ERBB3: variants seen among roughly 807,000 people sequenced by gnomAD.
ERBB3 encodes erb-b2 receptor tyrosine kinase 3.
In ERBB3, 96 loss-of-function variants were observed where a neutral mutation model predicts 156.7. The ratio of observed to expected loss-of-function variants is 0.61; its 90% CI spans 0.52 to 0.73. The LOEUF (loss-of-function observed/expected upper bound fraction) is 0.73, where lower values mean the gene tolerates loss of function less well. Among genes scored for constraint, ERBB3 ranks in the 30% least tolerant of loss-of-function variants. The probability of loss-of-function intolerance (pLI) is 0.00; values close to 1 mark genes in which losing one functional copy is unlikely to be tolerated. For synonymous variants in ERBB3, 567 were observed against 632.0 expected, an observed-to-expected ratio of 0.90 and a Z score of 1.54; for missense variants, 1,406 against 1,709.4, an observed-to-expected ratio of 0.82 and a Z score of 3.13.
At chr12:56,091,283 T>TATATATAATATATATAAATATAA in intron 9 of ERBB3, among the ~76,000 whole-genome samples, 1 of 51,752 alleles carries the variant, frequency 1.9e-5, no homozygotes, top group Non-Finnish European at 4.2e-5. Flanking sequence ...TATATATATA[T>TATATATAATATATATAAATATAA]ATATATATAT....
rs149635848 is a variant in ERBB3, at chr12:56,088,141, G to A, written c.853G>A (p.Val285Ile). 4.3e-5 allele frequency: 69 copies of A among 1,614,200 alleles called. No homozygotes were observed. In the African/African-American group the frequency reaches 8.1e-4, roughly 19 times the overall value. ...CCACACCAAGTATCAGTATGGAGGA[G>A]TTTGTGTAGCCAGCTGTCCCCGTAA... ...NPHTKYQYGG[V>I]CVASCPHNFV... Residue 285 changes from valine (V) to isoleucine (I), a missense_variant, in exon 7 of 28, where the codon GTT becomes ATT. By Grantham distance (29) the Val-to-Ile change is conservative. This residue lies in a region of ERBB3 where 979 missense variants were observed against 1,219.6 expected (regional missense o/e 0.80). Coordinates refer to ENST00000267101, the MANE Select transcript of ERBB3 (RefSeq NM_001982.4).
Position 56,096,798 on chromosome 12 carries a change from A to G in ERBB3, c.2226A>G (p.Lys742=), listed in dbSNP as rs1259368470. The G allele has an allele frequency of 6.2e-7, 1 of 1,614,068 alleles. No individual in the cohort carries two copies. The change falls in exon 19 of 28, where the codon AAA becomes AAG. Residue 742 remains lysine (K), a synonymous_variant. Coordinates refer to ENST00000267101, the MANE Select transcript of ERBB3 (RefSeq NM_001982.4). ...CAATCAAGATTCCAGTCTGCATTAA[A>G]GTCATTGAGGACAAGAGTGGACGGC... ...GESIKIPVCI[K]VIEDKSGRQS... is the part of the protein sequence containing the mutation.
In ERBB3 at chr12:56,089,017, C is replaced by A. The variant is rs915576244; in HGVS notation, c.1109+149C>A. ...ACAAAGGACCTGAAAGAATGCTTAA[C>A]ACATCCTCCATCCAGGCCTTCGGTC... is the stretch of plus-strand genomic sequence containing the variant. On this transcript the variant is annotated intron_variant, in intron 9 of 27. Coordinates refer to ENST00000267101, the MANE Select transcript of ERBB3 (RefSeq NM_001982.4). 4.8e-6 allele frequency: 5 copies of A among 1,033,936 alleles called. No homozygotes were observed. The African/African-American group carries it at 6.3e-5, about 13-fold the overall frequency. The allele number at this position is 1,033,936 out of a possible 1,614,324, so 64.0% of individuals were successfully genotyped here. A position where few individuals can be genotyped will look rare whatever the true frequency, so the allele number is the denominator to read the frequency against.
intron 9 of ERBB3, among the ~76,000 whole-genome samples, chr12:56,091,083 C>G (rs559656662): frequency 1.3e-5 from 2 of 150,496 alleles, no homozygotes; most frequent in Admixed American, 1.3e-4. Context: ...TTTGATGTGT[C>G]CTCATGATTA....
chr12:56,096,750 AGT>A lies in ERBB3; in HGVS notation c.2182_2183del (p.Trp728AspfsTer3). On this transcript the variant is annotated frameshift_variant, in exon 19 of 28. Coordinates refer to ENST00000267101, the MANE Select transcript of ERBB3 (RefSeq NM_001982.4). LOFTEE classifies it high-confidence loss of function. ...AACTCCTGCCCCAAACTTCCCAGGG[AGT>A]GTGGATCCCTGAGGGTGAATCAATC... is the stretch of plus-strand genomic sequence containing the variant. Reference protein sequence around the residue: ...SGVFGTVHKGVWIPEGESIKI... With the variant: ...SGVFGTVHKGXWIPEGESIKI... 1 of 1,613,816 alleles carries A rather than the reference AGT, an allele frequency of 6.2e-7. No individual in the cohort carries two copies. Among genetic ancestry groups the A allele is most frequent in the Non-Finnish European group, 8.5e-7 (1 of 1,179,730 alleles).
intron 17 of ERBB3, 34 bp downstream of exon 17, chr12:56,095,840 C>CTTTTT: frequency 6.2e-7 from 1 of 1,613,090 alleles, no homozygotes; most frequent in Non-Finnish European, 8.5e-7. Flanking sequence ...TTTTTCTTTT[C>CTTTTT]TTTTTTTGCA....
At chr12:56,084,935 G>T (rs1371561989) in intron 2 of ERBB3, 60 bp from the exon 3 acceptor site, 2 of 1,611,690 alleles carry the variant, frequency 1.2e-6, no homozygotes, top group African/African-American at 2.7e-5. Flanking sequence ...AAGGAGGAGA[G>T]GAGATTGAGA....
chr12:56,084,598 C>CAAAAAAAAAAAAA (rs34576601), intron 2 of ERBB3, among the ~76,000 whole-genome samples: 1 of 125,624 alleles, frequency 8.0e-6, no homozygotes, highest in Non-Finnish European at 1.6e-5. Flanking sequence ...CCTGTCTCAC[C>CAAAAAAAAAAAAA]AAAAAAAAAA....
intron 19 of ERBB3, 83 bp from the exon 20 acceptor site, chr12:56,096,961 GT>G: frequency 6.9e-7 from 1 of 1,447,366 alleles, no homozygotes; most frequent in East Asian, 2.3e-5. Context: ...AATGTTGGGG[GT>G]GGGGGGGCCT....
chr12:56,096,568 A>T lies in ERBB3; in HGVS notation c.2121A>T (p.Thr707=). The T allele has an allele frequency of 2.5e-6, 4 of 1,614,218 alleles. No individual in the cohort carries two copies. Among genetic ancestry groups the T allele is most frequent in the Non-Finnish European group, 3.4e-6 (4 of 1,180,030 alleles). Reference sequence around the variant, plus strand: ...TCTTGGCCAGAATCTTCAAAGAGACAGAGCTAAGGAAGCTTAAAGTGCTTG... The same window carrying T: ...TCTTGGCCAGAATCTTCAAAGAGACTGAGCTAAGGAAGCTTAAAGTGCTTG... ...NKVLARIFKE[T]ELRKLKVLGS... is the part of the protein sequence containing the mutation. Residue 707 remains threonine, a synonymous_variant, in exon 18 of 28, where the codon ACA becomes ACT. Coordinates refer to ENST00000267101, the MANE Select transcript of ERBB3 (RefSeq NM_001982.4).
chr12:56,083,232 C>T, intron 1 of ERBB3: 1 of 218,720 alleles, frequency 4.6e-6, no homozygotes, highest in Non-Finnish European at 9.3e-6. Context: ...GTGGGCTGGA[C>T]TGTGGCCCCA....
rs755595923 is a variant in ERBB3, at chr12:56,101,331, G to A, written c.3472G>A (p.Gly1158Ser). Residue 1158 changes from glycine to serine, a missense_variant, in exon 27 of 28, where the codon GGT (glycine) becomes AGT (serine). By Grantham distance (56) the Gly-to-Ser change is moderately conservative (BLOSUM62 0). Coordinates refer to ENST00000267101, the MANE Select transcript of ERBB3 (RefSeq NM_001982.4). ...CGGGTTAGAGGAAGAGGATGTCAACGGTTATGTCATGCCAGATACACACCT... is the reference window on the plus strand; with the variant it reads ...CGGGTTAGAGGAAGAGGATGTCAACAGTTATGTCATGCCAGATACACACCT... ...PPGLEEEDVNGYVMPDTHLKG... is the reference protein window; with the variant it reads ...PPGLEEEDVNSYVMPDTHLKG... 5.0e-6 allele frequency: 8 copies of A among 1,614,080 alleles called. No individual in the cohort carries two copies. Among genetic ancestry groups the A allele is most frequent in the African/African-American group, 1.3e-5 (1 of 74,918 alleles).
At position 56,096,009 on chromosome 12, in the gene ERBB3, A is replaced by G. The variant is rs184532952; in HGVS notation, c.2055+203A>G. ...CCCTAGAAGAACACTGGTCAGAGAAATGGGAGGCATGCATTCTAGTCCTGA... is the reference window on the plus strand; with the variant it reads ...CCCTAGAAGAACACTGGTCAGAGAAGTGGGAGGCATGCATTCTAGTCCTGA... On this transcript the variant is annotated intron_variant, in intron 17 of 27. Transcript: ENST00000267101. 494 of 627,238 alleles carry G rather than the reference A, an allele frequency of 7.9e-4. 2 individuals carry two copies. The highest frequency in any genetic ancestry group is 6.0e-4 in the Non-Finnish European group (214 of 357,534). The allele number at this position is 627,238 out of a possible 1,614,324, so 38.9% of individuals were successfully genotyped here. A position where few individuals can be genotyped will look rare whatever the true frequency, so the allele number is the denominator to read the frequency against.
At chr12:56,095,552 T>C in intron 16 of ERBB3, 113 bp from the exon 17 acceptor site, 1 of 1,282,666 alleles carries the variant, frequency 7.8e-7, no homozygotes, top group Non-Finnish European at 1.1e-6. Context: ...GATATATATG[T>C]GAATGTTAAT....
At chr12:56,095,387 G>A in intron 16 of ERBB3, 77 bp downstream of exon 16, 1 of 1,250,076 alleles carries the variant, frequency 8.0e-7, no homozygotes, top group Non-Finnish European at 1.2e-6. Flanking sequence ...GAGAGAAGAG[G>A]GAGGCTGTCT....
At position 56,098,515 on chromosome 12, in the gene ERBB3, A is replaced by G. The variant is rs867439304; in HGVS notation, c.2632A>G (p.Met878Val). ...TAATCCGCAGACTCCAATTAAGTGGATGGCCCTTGAGAGTATCCACTTTGG... is the reference window on the plus strand; with the variant it reads ...TAATCCGCAGACTCCAATTAAGTGGGTGGCCCTTGAGAGTATCCACTTTGG... ...YSEAKTPIKW[M>V]ALESIHFGKY... is the part of the protein sequence containing the mutation. Residue 878 changes from methionine (M) to valine (V), a missense_variant, in exon 22 of 28, where the codon ATG (methionine) becomes GTG (valine). Coordinates refer to ENST00000267101, the MANE Select transcript of ERBB3 (RefSeq NM_001982.4). 2 of 1,612,538 alleles carry G rather than the reference A, an allele frequency of 1.2e-6. No individual in the cohort carries two copies. The highest frequency in any genetic ancestry group is 1.3e-5 in the African/African-American group (1 of 74,894).
chr12:56,093,232 C>A, intron 11 of ERBB3, 113 bp from the exon 12 acceptor site: 1 of 1,174,878 alleles, frequency 8.5e-7, no homozygotes, highest in Non-Finnish European at 1.3e-6. Context: ...GAGGGGGATT[C>A]CCTCTCAGTG....
chr12:56,099,221 G>A (rs1869002094), intron 23 of ERBB3, among the ~76,000 whole-genome samples: 2 of 151,578 alleles, frequency 1.3e-5, no homozygotes, highest in African/African-American at 4.8e-5. Flanking sequence ...TTCCCAAAGT[G>A]CTGGGATTAC....
chr12:56,099,000 G>C (rs1868994150), intron 23 of ERBB3, 95 bp downstream of exon 23: 12 of 1,199,830 alleles, frequency 1.0e-5, no homozygotes, highest in Non-Finnish European at 1.4e-5. Flanking sequence ...TGTCACCCAG[G>C]CTGGAGTGCA....
Sources: gnomAD v4.1 joint callset for allele counts (sites outside exome capture counted in the v4.1 genomes callset) on GRCh38, gnomAD v4.1.1 for gene constraint, gnomAD v4.1.1 regional missense constraint, MANE v1.5 for transcripts, NCBI Gene and HGNC (gene_info 2026-07-23, HGNC 2026-07-21) for gene names.